The following THOP1 variants were observed in gnomAD, a reference collection of about 807,000 sequenced individuals.
The protein encoded by THOP1 is thimet oligopeptidase 1.
THOP1 carries 49 observed loss-of-function variants against 71.8 expected under a neutral mutation model. That is an observed-to-expected ratio of 0.68 (90% CI 0.54 to 0.87). The LOEUF is 0.87. THOP1 is among the 40% of genes least tolerant of loss of function. The pLI is 0.00. For missense variants in THOP1, 843 were observed against 975.6 expected (o/e 0.86, Z 1.81); for synonymous variants, 426 against 421.5 (o/e 1.01, Z -0.13).
In THOP1 at chr19:2,804,112, C is replaced by T. The variant is rs368877371; in HGVS notation, c.590-904C>T. 1.4e-4 allele frequency among the ~76,000 whole-genome samples: 21 copies of T among 152,270 alleles called. No individual in the cohort carries two copies. The highest frequency in any genetic ancestry group is 5.1e-4 in the African/African-American group (21 of 41,554). ...TCCCGATCATTCTTTCCACTCTGAC[C>T]GCCCTGGGGTTGAGGTGAACCAGTC... is the stretch of plus-strand genomic sequence containing the variant. On this transcript the variant is annotated intron_variant, in intron 5 of 12. Transcript: ENST00000307741. This position sits in a 1 kb window ranked among gnomAD's most constrained non-coding sequence, Gnocchi z 4.7.
At position 2,801,986 on chromosome 19, in the gene THOP1, A is replaced by G. The variant is rs1447717117; in HGVS notation, c.589+2195A>G. Among the ~76,000 whole-genome samples, 2 of 151,530 alleles carry G rather than the reference A, an allele frequency of 1.3e-5. No individual in the cohort carries two copies. The highest frequency in any genetic ancestry group is 2.9e-5 in the Non-Finnish European group (2 of 67,846). On this transcript the variant is annotated intron_variant, in intron 5 of 12. Coordinates refer to ENST00000307741, the MANE Select transcript of THOP1 (RefSeq NM_003249.5). The surrounding 1 kb of genome is among the most constrained non-coding windows in gnomAD (Gnocchi z 5.1). The stretch of plus-strand genomic sequence containing the variant: ...CAATACCACCATCTCCAACACCGCC[A>G]TCTCCCGATACCCACATCTCCCAAT...
chr19:2,808,175 G>A, intron 8 of THOP1, 68 bp from the exon 9 acceptor site: 1 of 1,496,160 alleles, frequency 6.7e-7, no homozygotes, highest in South Asian at 1.2e-5. Context: ...TGGGCTGAGG[G>A]ATGCGGAGTC....
rs1005142307 is a variant in THOP1, at chr19:2,814,588, TTTGCACCTTACGCACGCC to T, written c.*1314_*1331del. On this transcript the variant is annotated 3_prime_UTR_variant, in exon 13 of 13. Coordinates refer to ENST00000307741, the MANE Select transcript of THOP1 (RefSeq NM_003249.5). ...CTGTGGCCACTGCCATGGGGCCTGC[TTTGCACCTTACGCACGCC>T]TGGCTCTGCTCCATGCACCTGCTTC... The T allele has an allele frequency of 2.6e-5, 4 of 152,698 alleles. No individual in the cohort carries two copies. The highest frequency in any genetic ancestry group is 7.2e-5 in the African/African-American group (3 of 41,472). 9.5% of individuals were successfully genotyped at this position (152,698 alleles called of 1,614,324 possible).
In THOP1 at chr19:2,801,780, G is replaced by T. The variant is rs1171505430; in HGVS notation, c.589+1989G>T. Among the ~76,000 whole-genome samples the T allele has an allele frequency of 1.3e-5, 2 of 152,012 alleles. No individual in the cohort carries two copies. Among genetic ancestry groups the T allele is most frequent in the Non-Finnish European group, 2.9e-5 (2 of 67,958 alleles). ...CAGGGTGTCACATGGCAAGGGGAGGGGGCTAAGCGAGCCGGTTCCACCCAG... is the reference window on the plus strand; with the variant it reads ...CAGGGTGTCACATGGCAAGGGGAGGTGGCTAAGCGAGCCGGTTCCACCCAG... On this transcript the variant is annotated intron_variant, in intron 5 of 12. Transcript: ENST00000307741. The surrounding 1 kb of genome is among the most constrained non-coding windows in gnomAD (Gnocchi z 5.1).
At position 2,805,615 on chromosome 19, in the gene THOP1, A is replaced by G. The variant is rs1311130407; in HGVS notation, c.750+439A>G. On this transcript the variant is annotated intron_variant, in intron 6 of 12. Coordinates refer to ENST00000307741, the MANE Select transcript of THOP1 (RefSeq NM_003249.5). This position sits in a 1 kb window ranked among gnomAD's most constrained non-coding sequence, Gnocchi z 6.6. ...ACTGGCGTCAGACGGCCGTTCCCAC[A>G]GGGACACATGTAACTGTCCACGGCG... Among the ~76,000 whole-genome samples the G allele has an allele frequency of 6.6e-6, 1 of 152,164 alleles. No homozygotes were observed. Among genetic ancestry groups the G allele is most frequent in the Non-Finnish European group, 1.5e-5 (1 of 68,022 alleles).
rs2144776071 is a variant in THOP1 at position 2,805,173 on chromosome 19, G to A, written c.747G>A (p.Lys249=). ...AGGAGGCCTTCAACTGCCGGTGCAA[G>A]GAGGTGAGAAGGCACGGCCAGGGGG... The part of the protein sequence containing the change: ...KVEEAFNCRC[K]EENCAILKEL... The change falls in exon 6 of 13, where the codon AAG becomes AAA. Residue 249 remains lysine (K), a synonymous_variant. Transcript: ENST00000307741. The surrounding 1 kb of genome is among the most constrained non-coding windows in gnomAD (Gnocchi z 6.6). 1 of 1,611,566 alleles carries A rather than the reference G, an allele frequency of 6.2e-7. No homozygotes were observed. The highest frequency in any genetic ancestry group is 2.2e-5 in the East Asian group (1 of 44,856).
At chr19:2,790,702 G>T (rs1328149618) in intron 2 of THOP1, 69 bp downstream of exon 2, 13 of 1,404,014 alleles carry the variant, frequency 9.3e-6, no homozygotes, top group Non-Finnish European at 1.1e-5. Flanking sequence ...GGCGGGAGTA[G>T]CCCAGCCCGT....
chr19:2,813,034 G>A, intron 12 of THOP1, 81 bp from the exon 13 acceptor site: 1 of 1,467,232 alleles, frequency 6.8e-7, no homozygotes, highest in Non-Finnish European at 9.1e-7. Flanking sequence ...GCCCCCCTGG[G>A]CGAGGGTGTG....
chr19:2,807,325 C>G (rs1018654425), intron 7 of THOP1, 117 bp from the exon 8 acceptor site: 6 of 1,424,678 alleles, frequency 4.2e-6, no homozygotes, highest in Non-Finnish European at 5.5e-6. Flanking sequence ...TTGCCGGGAA[C>G]TGCGGGTCCT....
chr19:2,797,443 C>G (rs371930400), intron 4 of THOP1, among the ~76,000 whole-genome samples: 3 of 152,216 alleles, frequency 2.0e-5, no homozygotes, highest in Non-Finnish European at 4.4e-5. Context: ...CTGATCTTTC[C>G]GAGGCCGGCC....
Position 2,807,583 on chromosome 19 carries a change from A to T in THOP1, c.1028A>T (p.Gln343Leu), listed in dbSNP as rs1916329783. The T allele has an allele frequency of 6.2e-7, 1 of 1,612,548 alleles. No homozygotes were observed. The highest frequency in any genetic ancestry group is 1.3e-5 in the African/African-American group (1 of 74,916). Residue 343 changes from glutamine to leucine, a missense_variant, in exon 8 of 13, where the codon CAG (glutamine) becomes CTG (leucine). Coordinates refer to ENST00000307741, the MANE Select transcript of THOP1 (RefSeq NM_003249.5). ...RAWDMRYYMNQVEETRYCVDQ... is the reference protein window; with the variant it reads ...RAWDMRYYMNLVEETRYCVDQ... ...TGGGACATGCGCTACTACATGAACC[A>T]GGTGGAGGAGACGCGCTACTGCGTG...
intron 4 of THOP1, 26 bp from the exon 5 acceptor site, chr19:2,799,663 C>G (rs746809224): frequency 1.3e-6 from 2 of 1,594,556 alleles, no homozygotes; most frequent in South Asian, 2.2e-5. Flanking sequence ...TCTCTCCCTC[C>G]CCTCACGCCC....
At chr19:2,798,804 G>T (rs748874299) in intron 4 of THOP1, among the ~76,000 whole-genome samples, 1 of 152,238 alleles carries the variant, frequency 6.6e-6, no homozygotes. Context: ...CTCCAGACCC[G>T]CCTGGCGGAG....
intron 2 of THOP1, 49 bp from the exon 3 acceptor site, chr19:2,794,715 G>C (rs1343882079): frequency 6.3e-7 from 1 of 1,580,588 alleles, no homozygotes; most frequent in South Asian, 1.1e-5. Flanking sequence ...CCTGCCAGTT[G>C]TACTGGGGCC....
chr19:2,807,177 C>A, intron 7 of THOP1, 125 bp downstream of exon 7: 1 of 1,342,340 alleles, frequency 7.4e-7, no homozygotes, highest in Non-Finnish European at 9.9e-7. Context: ...CTTCTGACGC[C>A]TGCCCTGGCT....
Position 2,785,682 on chromosome 19 carries a change from C to T in THOP1, c.16+4C>T, listed in dbSNP as rs760839542. The T allele has an allele frequency of 4.7e-5, 69 of 1,467,658 alleles. No homozygotes were observed. The highest frequency in any genetic ancestry group is 6.2e-5 in the Non-Finnish European group (69 of 1,105,544). 90.9% of individuals were successfully genotyped at this position (1,467,658 alleles called of 1,614,324 possible). ...CCCGCCATGAAGCCCCCCGCAGGTACCGACTACCCCGCTCGCCGGACCCGG... is the reference window on the plus strand; with the variant it reads ...CCCGCCATGAAGCCCCCCGCAGGTATCGACTACCCCGCTCGCCGGACCCGG... On this transcript the variant is annotated splice_donor_region_variant and intron_variant, in intron 1 of 12. Transcript: ENST00000307741.
At position 2,813,258 on chromosome 19, in the gene THOP1, C is replaced by T. The variant is rs766778404; in HGVS notation, c.2052C>T (p.Pro684=). 1.6e-5 allele frequency: 25 copies of T among 1,606,548 alleles called. No homozygotes were observed. Among genetic ancestry groups the T allele is most frequent in the African/African-American group, 2.7e-5 (2 of 74,780 alleles). ...GGCTGCAGGTCGGGGGCTGCGAGCC[C>T]GAGCCGCAGGTCTGCTGAGGCCTGG... ...SKGLQVGGCE[P]EPQVC is the part of the protein sequence containing the mutation. The change falls in exon 13 of 13, where the codon CCC becomes CCT. Residue 684 remains proline, a synonymous_variant. Coordinates refer to ENST00000307741, the MANE Select transcript of THOP1 (RefSeq NM_003249.5).
intron 9 of THOP1, chr19:2,809,729 G>A (rs920010822): frequency 3.2e-5 from 5 of 154,288 alleles, no homozygotes; most frequent in African/African-American, 1.2e-4. Context: ...CTTTCTGCGT[G>A]TCCCTGGCGC....
Position 2,808,279 on chromosome 19 carries a change from G to A in THOP1, c.1290G>A (p.Leu430=), listed in dbSNP as rs1599531330. Reference sequence around the variant, plus strand: ...ACGGGCACGCGGCCTGCTTTGGCCTGCAGCCCGGCTGCCTGCGGCAGGATG... The same window carrying A: ...ACGGGCACGCGGCCTGCTTTGGCCTACAGCCCGGCTGCCTGCGGCAGGATG... The part of the protein sequence containing the change: ...GKYGHAACFG[L]QPGCLRQDGS... Residue 430 remains leucine (L), a synonymous_variant, in exon 9 of 13, where the codon CTG becomes CTA. Coordinates refer to ENST00000307741, the MANE Select transcript of THOP1 (RefSeq NM_003249.5). 6.4e-7 allele frequency: 1 copy of A among 1,559,436 alleles called. No homozygotes were observed. Among genetic ancestry groups the A allele is most frequent in the African/African-American group, 1.4e-5 (1 of 73,670 alleles).
Sources: gnomAD v4.1 joint callset for allele counts (sites outside exome capture counted in the v4.1 genomes callset) on GRCh38, gnomAD v4.1.1 for gene constraint, Gnocchi (gnomAD v3.1) non-coding constraint, MANE v1.5 for transcripts, NCBI Gene and HGNC (gene_info 2026-07-23, HGNC 2026-07-21) for gene names.